DLG2: variants seen among roughly 807,000 people sequenced by gnomAD.
DLG2 encodes disks large homolog 2.
Under a neutral mutation model 132.5 loss-of-function variants are expected in DLG2, and 45 were observed. The ratio of observed to expected loss-of-function variants is 0.34; its 90% confidence interval spans 0.27 to 0.44. The LOEUF is 0.44. Ranked by LOEUF, DLG2 falls within the 20% of genes least tolerant of loss-of-function variation. DLG2 has a pLI of 1.00. For missense variants in DLG2, 1,045 were observed against 1,196.9 expected, an observed-to-expected ratio of 0.87 and a Z score of 1.87; for synonymous variants, 424 against 419.6, an observed-to-expected ratio of 1.01 and a Z score of -0.13.
chr11:83,466,395 A>G (rs1388283558), intron 26 of DLG2, among the ~76,000 whole-genome samples: 1 of 152,216 alleles, frequency 6.6e-6, no homozygotes, highest in Non-Finnish European at 1.5e-5. Flanking sequence ...AAACAACAAC[A>G]ACAAAACCTC....
rs574366423 is a variant in DLG2 at position 84,433,121 on chromosome 11, C to T, written c.519+101449G>A. The stretch of plus-strand genomic sequence containing the variant: ...ATAGGTTATAAACTGCCAAGCTCAT[C>T]TACAGGTGTGTCTGTTAGATTATGA... On this transcript the variant is annotated intron_variant, in intron 7 of 27. Transcript: ENST00000376104. Among the ~76,000 whole-genome samples, 10 of 152,252 alleles carry T rather than the reference C, an allele frequency of 6.6e-5. No homozygotes were observed. In the East Asian group the frequency reaches 1.9e-3, roughly 29 times the overall value.
chr11:85,523,415 G>A (rs2074472855), intron 3 of DLG2, among the ~76,000 whole-genome samples: 1 of 151,964 alleles, frequency 6.6e-6, no homozygotes, highest in South Asian at 2.1e-4. Flanking sequence ...TTAAAAATGG[G>A]AAAAAGATCT....
chr11:85,388,475 T>C (rs2086531267), intron 3 of DLG2, among the ~76,000 whole-genome samples: 2 of 151,960 alleles, frequency 1.3e-5, no homozygotes, highest in Admixed American at 1.3e-4. Flanking sequence ...AAAGCTTGTG[T>C]CCTCCCTATA....
chr11:83,787,292 G>C (rs571562629), intron 17 of DLG2, among the ~76,000 whole-genome samples: 67 of 146,486 alleles, frequency 4.6e-4, no homozygotes, highest in Non-Finnish European at 6.6e-4. Flanking sequence ...CCTGAGCCTG[G>C]TTAGACAGCC....
chr11:85,627,211 A>T lies in DLG2; in HGVS notation c.-260+7T>A, dbSNP rs774502581. ...TATATTTACTGATCAGAAGTTCCGG[A>T]TCTCACCCCCTCAGTAACTCAGAAT... On this transcript the variant is annotated splice_region_variant and intron_variant, in intron 1 of 27. Coordinates refer to ENST00000376104, the MANE Select transcript of DLG2 (RefSeq NM_001142699.3). 1 of 152,078 alleles carries T rather than the reference A, an allele frequency of 6.6e-6. No individual in the cohort carries two copies. Among genetic ancestry groups the T allele is most frequent in the Non-Finnish European group, 1.5e-5 (1 of 68,032 alleles). 9.4% of individuals were successfully genotyped at this position (152,078 alleles called of 1,614,324 possible).
chr11:84,364,787 G>C (rs1280881579), intron 7 of DLG2, among the ~76,000 whole-genome samples: 2 of 152,074 alleles, frequency 1.3e-5, no homozygotes, highest in Non-Finnish European at 2.9e-5. Context: ...TTTTGTCTTT[G>C]GTTCCGTTTA....
At chr11:84,587,942 T>A (rs1253037900) in intron 6 of DLG2, among the ~76,000 whole-genome samples, 3 of 152,200 alleles carry the variant, frequency 2.0e-5, no homozygotes, top group Non-Finnish European at 4.4e-5. Flanking sequence ...ATAACTGGAT[T>A]TGGCTTTCAA....
At chr11:84,922,096 G>A (rs1167345917) in intron 6 of DLG2, among the ~76,000 whole-genome samples, 1 of 146,578 alleles carries the variant, frequency 6.8e-6, no homozygotes, top group Non-Finnish European at 1.5e-5. Flanking sequence ...TGCAAACACA[G>A]AAAATGAAAC....
chr11:83,945,424 AG>A, intron 14 of DLG2, among the ~76,000 whole-genome samples: 1 of 152,342 alleles, frequency 6.6e-6, no homozygotes, highest in Non-Finnish European at 1.5e-5. Context: ...GTAATACAGA[AG>A]AAAAGCAGAA....
At chr11:84,809,249 A>C (rs1017048225) in intron 6 of DLG2, among the ~76,000 whole-genome samples, 1 of 151,956 alleles carries the variant, frequency 6.6e-6, no homozygotes, top group Non-Finnish European at 1.5e-5. Context: ...ATTGATAAAA[A>C]GTCTTAAAAA....
At chr11:84,771,152 G>T (rs999322033) in intron 6 of DLG2, among the ~76,000 whole-genome samples, 1 of 152,154 alleles carries the variant, frequency 6.6e-6, no homozygotes. Context: ...GGATTGCTGG[G>T]TCAAATGGCA....
chr11:84,758,861 AATTT>A (rs558651851), intron 6 of DLG2, among the ~76,000 whole-genome samples: 118 of 152,246 alleles, frequency 7.8e-4, no homozygotes, highest in African/African-American at 2.7e-3. Flanking sequence ...GCAATTAATT[AATTT>A]ATTAATTCTT....
At chr11:83,948,451 A>G (rs1176503714) in intron 14 of DLG2, among the ~76,000 whole-genome samples, 1 of 152,168 alleles carries the variant, frequency 6.6e-6, no homozygotes, top group Admixed American at 6.5e-5. Flanking sequence ...CCAGCACTCC[A>G]TGGAAGTTGA....
At chr11:84,316,981 T>G in intron 7 of DLG2, 2 of 1,612,736 alleles carry the variant, frequency 1.2e-6, no homozygotes, top group Non-Finnish European at 1.7e-6. Flanking sequence ...GGCCCCCTGG[T>G]CCTGAGGAGG....
At chr11:83,896,100 C>A (rs1196051410) in intron 15 of DLG2, among the ~76,000 whole-genome samples, 3 of 152,096 alleles carry the variant, frequency 2.0e-5, no homozygotes, top group Non-Finnish European at 4.4e-5. Context: ...TTAATATATA[C>A]CCTCTATTAT....
chr11:84,633,853 A>G (rs1232613052), intron 6 of DLG2, among the ~76,000 whole-genome samples: 1 of 152,076 alleles, frequency 6.6e-6, no homozygotes, highest in Non-Finnish European at 1.5e-5. Context: ...TAAAATTTGG[A>G]CTGAGTGAAA....
At chr11:85,354,653 A>G (rs1263801236) in intron 3 of DLG2, among the ~76,000 whole-genome samples, 2 of 151,844 alleles carry the variant, frequency 1.3e-5, no homozygotes, top group African/African-American at 4.8e-5. Flanking sequence ...AGTACTTGGT[A>G]TGCTGACATT....
At chr11:84,415,967 C>A (rs1274493453) in intron 7 of DLG2, among the ~76,000 whole-genome samples, 1 of 151,964 alleles carries the variant, frequency 6.6e-6, no homozygotes, top group East Asian at 1.9e-4. Context: ...TTTTTTCCTC[C>A]TTCTCTAATA....
At chr11:85,483,277 C>T (rs993859654) in intron 3 of DLG2, among the ~76,000 whole-genome samples, 3 of 152,122 alleles carry the variant, frequency 2.0e-5, no homozygotes, top group Non-Finnish European at 4.4e-5. Context: ...TCAGCAGGGA[C>T]GTTACAGGCC....
Sources: gnomAD v4.1 joint callset for allele counts (sites outside exome capture counted in the v4.1 genomes callset) on GRCh38, gnomAD v4.1.1 for gene constraint, MANE v1.5 for transcripts, NCBI Gene and HGNC (gene_info 2026-07-23, HGNC 2026-07-21) for gene names.